The following PABPC4L variants were observed in gnomAD, a reference collection of about 807,000 sequenced individuals.
PABPC4L encodes the protein poly(A) binding protein cytoplasmic 4 like.
For missense variants in PABPC4L, 452 were observed against 451.4 expected, an observed-to-expected ratio of 1.00 and a Z score of -0.01; for synonymous variants, 169 against 164.1, an observed-to-expected ratio of 1.03 and a Z score of -0.23.
At chr4:133,998,743 T>C in the PABPC4L span, among the ~76,000 whole-genome samples, 12 of 151,988 alleles carry the variant, frequency 7.9e-5, no homozygotes, top group African/African-American at 4.8e-5. Flanking sequence ...TATGGTTTTT[T>C]TTTTCTAATG....
the PABPC4L span, among the ~76,000 whole-genome samples, chr4:134,054,492 C>G: frequency 6.6e-6 from 1 of 151,540 alleles, no homozygotes; most frequent in East Asian, 1.9e-4. Flanking sequence ...CTGGAAGGAT[C>G]CCCCATTACT....
At chr4:134,167,378 A>T in the PABPC4L span, among the ~76,000 whole-genome samples, 4 of 152,016 alleles carry the variant, frequency 2.6e-5, no homozygotes, top group Non-Finnish European at 5.9e-5. Flanking sequence ...TGCTCTGAAA[A>T]ATAAAGTCTA....
At chr4:134,077,029 ATG>A in the PABPC4L span, among the ~76,000 whole-genome samples, 1 of 152,118 alleles carries the variant, frequency 6.6e-6, no homozygotes, top group African/African-American at 2.4e-5. Flanking sequence ...TACTGCATAC[ATG>A]TTTGCAATTT....
the PABPC4L span, among the ~76,000 whole-genome samples, chr4:134,160,232 A>T: frequency 6.6e-6 from 1 of 152,128 alleles, no homozygotes; most frequent in Non-Finnish European, 1.5e-5. Context: ...GAAGATGCTC[A>T]TATTACCCCT....
chr4:134,052,256 T>G, the PABPC4L span, among the ~76,000 whole-genome samples: 1 of 152,200 alleles, frequency 6.6e-6, no homozygotes, highest in African/African-American at 2.4e-5. Context: ...ATGACATGAA[T>G]ATTCTCAATA....
At chr4:134,163,070 G>C in the PABPC4L span, among the ~76,000 whole-genome samples, 1 of 151,982 alleles carries the variant, frequency 6.6e-6, no homozygotes, top group African/African-American at 2.4e-5. Context: ...GAAACAAAAA[G>C]GTGGTTCTTA....
the PABPC4L span, among the ~76,000 whole-genome samples, chr4:133,977,292 A>G: frequency 1.3e-5 from 2 of 152,100 alleles, no homozygotes; most frequent in African/African-American, 4.8e-5. Flanking sequence ...TTGTACTAGT[A>G]GCATGCTGAT....
chr4:134,051,667 A>G, the PABPC4L span, among the ~76,000 whole-genome samples: 2 of 152,136 alleles, frequency 1.3e-5, no homozygotes, highest in East Asian at 3.9e-4. Flanking sequence ...TCAACTAATG[A>G]CATGGCCTGA....
chr4:134,031,528 T>C, the PABPC4L span, among the ~76,000 whole-genome samples: 13 of 152,002 alleles, frequency 8.6e-5, no homozygotes, highest in Non-Finnish European at 1.9e-4. Flanking sequence ...TCTTTGATTT[T>C]CTATGGTGTT....
chr4:134,193,326 C>T (rs1729565709), downstream of PABPC4L, among the ~76,000 whole-genome samples: 1 of 151,770 alleles, frequency 6.6e-6, no homozygotes, highest in Non-Finnish European at 1.5e-5. Context: ...TAAATATACC[C>T]ATCCTATATC....
the PABPC4L span, among the ~76,000 whole-genome samples, chr4:133,972,621 T>C: frequency 6.6e-6 from 1 of 152,182 alleles, no homozygotes; most frequent in African/African-American, 2.4e-5. Flanking sequence ...CCTCAATTAG[T>C]AATTTGATGT....
At chr4:134,063,637 G>C in the PABPC4L span, among the ~76,000 whole-genome samples, 7 of 151,904 alleles carry the variant, frequency 4.6e-5, no homozygotes, top group African/African-American at 1.7e-4. Context: ...CATAGTAAAA[G>C]TGTTCTTCGT....
chr4:134,033,218 T>A, the PABPC4L span, among the ~76,000 whole-genome samples: 1 of 151,886 alleles, frequency 6.6e-6, no homozygotes, highest in Admixed American at 6.6e-5. Context: ...GTAACTGTTC[T>A]GGAGGACCAC....
chr4:134,048,008 T>C, the PABPC4L span, among the ~76,000 whole-genome samples: 105 of 152,262 alleles, frequency 6.9e-4, no homozygotes, highest in African/African-American at 2.4e-3. Flanking sequence ...GAAATCATTT[T>C]AAAACATGCT....
chr4:134,174,470 G>A, the PABPC4L span, among the ~76,000 whole-genome samples: 1 of 152,120 alleles, frequency 6.6e-6, no homozygotes. Context: ...AAAGACAGAT[G>A]AGTAAGCCTT....
At chr4:134,116,400 T>C in the PABPC4L span, among the ~76,000 whole-genome samples, 1 of 151,962 alleles carries the variant, frequency 6.6e-6, no homozygotes, top group Admixed American at 6.6e-5. Context: ...ATAGTAACTA[T>C]TTTAAGTTAT....
At chr4:133,977,254 T>G in the PABPC4L span, among the ~76,000 whole-genome samples, 1 of 152,116 alleles carries the variant, frequency 6.6e-6, no homozygotes, top group Non-Finnish European at 1.5e-5. Context: ...GAGTTCTCTA[T>G]TCTTTCCATT....
the PABPC4L span, among the ~76,000 whole-genome samples, chr4:133,949,214 A>T: frequency 8.7e-4 from 132 of 152,312 alleles, 1 homozygote; most frequent in African/African-American, 3.1e-3. Context: ...ACCTCATTCC[A>T]GCTAGCACAG....
chr4:134,022,025 C>A, the PABPC4L span, among the ~76,000 whole-genome samples: 718 of 152,180 alleles, frequency 4.7e-3, 9 homozygotes, highest in African/African-American at 0.016. Flanking sequence ...TTTAATGCTA[C>A]ACAGGAGCAG....
Sources: gnomAD v4.1 joint callset for allele counts (sites outside exome capture counted in the v4.1 genomes callset) on GRCh38, gnomAD v4.1.1 for gene constraint, MANE v1.5 for transcripts, NCBI Gene and HGNC (gene_info 2026-07-23, HGNC 2026-07-21) for gene names.